SHISA9: variants seen among roughly 807,000 people sequenced by gnomAD.
SHISA9 encodes the protein shisa family member 9, also known as protein shisa-9.
A neutral mutation model predicts 38.0 loss-of-function variants in SHISA9; 13 were observed. That is an observed-to-expected ratio of 0.34 (90% CI 0.22 to 0.54). The LOEUF is 0.54. Ranked by LOEUF, SHISA9 falls within the 20% of genes least tolerant of loss-of-function variation. SHISA9 has a pLI of 0.91. For synonymous variants in SHISA9, 275 were observed against 242.0 expected (o/e 1.14, Z -1.27); for missense variants, 538 against 575.8 (o/e 0.93, Z 0.67).
chr16:13,263,851 T>C, the SHISA9 span, among the ~76,000 whole-genome samples: 1 of 152,204 alleles, frequency 6.6e-6, no homozygotes, highest in East Asian at 1.9e-4. Flanking sequence ...TTTTAGAAAC[T>C]TCTTGTGATT....
chr16:13,412,414 CTCTT>C, the SHISA9 span, among the ~76,000 whole-genome samples: 6 of 152,224 alleles, frequency 3.9e-5, no homozygotes, highest in Middle Eastern at 3.4e-3. Context: ...CTCTTCAATT[CTCTT>C]TCTTTCTTCT....
intron 2 of SHISA9, among the ~76,000 whole-genome samples, chr16:13,163,792 A>G (rs947510998): frequency 1.3e-5 from 2 of 152,084 alleles, no homozygotes; most frequent in Non-Finnish European, 1.5e-5. Flanking sequence ...GTCCATTACT[A>G]TGTTATGCAA....
intron 2 of SHISA9, among the ~76,000 whole-genome samples, chr16:13,138,336 C>T (rs930471931): frequency 6.6e-6 from 1 of 152,188 alleles, no homozygotes; most frequent in Non-Finnish European, 1.5e-5. Context: ...TTTGACCTTC[C>T]TTTCCTAGAA....
intron 2 of SHISA9, among the ~76,000 whole-genome samples, chr16:13,150,968 G>T (rs1235578675): frequency 6.6e-6 from 1 of 152,004 alleles, no homozygotes; most frequent in Non-Finnish European, 1.5e-5. Flanking sequence ...TTTTTCTAAG[G>T]TTGAACCAGC....
intron 2 of SHISA9, among the ~76,000 whole-genome samples, chr16:13,118,453 C>T (rs745795066): frequency 6.6e-6 from 1 of 152,176 alleles, no homozygotes. Flanking sequence ...ACAGCAAGAA[C>T]AGGCAGTCAT....
intron 2 of SHISA9, among the ~76,000 whole-genome samples, chr16:13,132,866 GGAT>G (rs576955698): frequency 2.6e-3 from 397 of 152,272 alleles, no homozygotes; most frequent in Admixed American, 5.2e-3. Flanking sequence ...AAAAAATTAG[GGAT>G]GGCTCAGAAC....
chr16:13,311,677 G>A, the SHISA9 span, among the ~76,000 whole-genome samples: 13 of 152,222 alleles, frequency 8.5e-5, no homozygotes, highest in East Asian at 1.9e-3. Flanking sequence ...TATTTACTTC[G>A]CTTTCAAATA....
At chr16:13,355,470 G>A in the SHISA9 span, among the ~76,000 whole-genome samples, 63 of 151,984 alleles carry the variant, frequency 4.1e-4, no homozygotes, top group Middle Eastern at 6.8e-3. Context: ...GAAGAAGGGC[G>A]GCAATGAGAT....
intron 2 of SHISA9, among the ~76,000 whole-genome samples, chr16:12,973,180 A>G (rs2072108033): frequency 6.6e-6 from 1 of 152,234 alleles, no homozygotes; most frequent in South Asian, 2.1e-4. Context: ...GCAGGGACTC[A>G]TGAAGGATCC....
the SHISA9 span, among the ~76,000 whole-genome samples, chr16:13,428,714 AGACTAGTGGTGAACAT>A: frequency 6.6e-6 from 1 of 151,806 alleles, no homozygotes; most frequent in Non-Finnish European, 1.5e-5. Context: ...ATATATCCTG[AGACTAGTGGTGAACAT>A]TCCTTAAAAG....
chr16:13,475,355 A>G, the SHISA9 span, among the ~76,000 whole-genome samples: 1 of 106,640 alleles, frequency 9.4e-6, no homozygotes, highest in African/African-American at 4.0e-5. Flanking sequence ...TTTCACATAT[A>G]TATTTATATA....
the SHISA9 span, among the ~76,000 whole-genome samples, chr16:13,430,491 A>C: frequency 6.6e-6 from 1 of 152,160 alleles, no homozygotes; most frequent in African/African-American, 2.4e-5. Context: ...AAACACCACC[A>C]AGTTGTTTGC....
At chr16:13,356,550 T>G in the SHISA9 span, among the ~76,000 whole-genome samples, 3,500 of 151,894 alleles carry the variant, frequency 0.023, 128 homozygotes, top group African/African-American at 0.08. Context: ...GGGGAGGTGA[T>G]AAAAAGATTA....
At chr16:13,443,210 A>G in the SHISA9 span, among the ~76,000 whole-genome samples, 1 of 152,356 alleles carries the variant, frequency 6.6e-6, no homozygotes, top group East Asian at 1.9e-4. Flanking sequence ...TCTGTGTTGA[A>G]GAGATTTTAT....
chr16:13,399,985 C>T, the SHISA9 span, among the ~76,000 whole-genome samples: 5 of 152,240 alleles, frequency 3.3e-5, no homozygotes, highest in Non-Finnish European at 7.3e-5. Flanking sequence ...TTTGCCAATG[C>T]TTTCAAGCGT....
At chr16:13,100,798 C>G (rs1468503703) in intron 2 of SHISA9, among the ~76,000 whole-genome samples, 1 of 152,202 alleles carries the variant, frequency 6.6e-6, no homozygotes, top group Non-Finnish European at 1.5e-5. Context: ...ACCTCTGCCT[C>G]TCCGGTTCAA....
intron 2 of SHISA9, among the ~76,000 whole-genome samples, chr16:13,078,301 C>G (rs1025193794): frequency 2.0e-5 from 3 of 152,206 alleles, no homozygotes; most frequent in Non-Finnish European, 4.4e-5. Flanking sequence ...TAGATCGTCT[C>G]TAGGTTACTT....
chr16:13,019,816 CTTTCTTTCTTTCTTTCTTT>C (rs1324460197), intron 2 of SHISA9, among the ~76,000 whole-genome samples: 2 of 138,362 alleles, frequency 1.4e-5, no homozygotes, highest in African/African-American at 5.5e-5. Context: ...TTCTTTCTTT[CTTTCTTTCTTTCTTTCTTT>C]TTCCTTCCTT....
At chr16:13,224,581 G>A (rs1368774194) in intron 4 of SHISA9, among the ~76,000 whole-genome samples, 3 of 152,118 alleles carry the variant, frequency 2.0e-5, no homozygotes, top group African/African-American at 7.2e-5. Flanking sequence ...CCAGGCACTG[G>A]GCTGGACGTT....
Sources: allele counts gnomAD v4.1 joint callset (sites outside exome capture counted in the v4.1 genomes callset), GRCh38; gene constraint gnomAD v4.1.1; transcripts MANE v1.5; gene names NCBI Gene and HGNC (gene_info 2026-07-23, HGNC 2026-07-21).